PRKN: variants seen among roughly 807,000 people sequenced by gnomAD.
PRKN encodes the protein parkin RBR E3 ubiquitin protein ligase.
PRKN carries 56 observed loss-of-function variants against 59.5 expected under a neutral mutation model. The observed-to-expected ratio is 0.94, with a 90% CI of 0.76 to 1.18. The LOEUF is 1.18. PRKN is among the 50% of genes most tolerant of loss of function. The probability of loss-of-function intolerance (pLI) is 0.00; values close to 1 mark genes in which losing one functional copy is unlikely to be tolerated. For synonymous variants in PRKN, 250 were observed against 222.1 expected, an observed-to-expected ratio of 1.13 and a Z score of -1.12; for missense variants, 657 against 596.4, an observed-to-expected ratio of 1.10 and a Z score of -1.06.
chr6:161,991,842 C>CA (rs772212880), intron 5 of PRKN, among the ~76,000 whole-genome samples: 20 of 151,732 alleles, frequency 1.3e-4, no homozygotes, highest in Non-Finnish European at 2.2e-4. Flanking sequence ...AACTCCGTCT[C>CA]AAAAAACAAA....
chr6:161,763,633 T>C (rs993128414), intron 7 of PRKN, among the ~76,000 whole-genome samples: 2 of 152,084 alleles, frequency 1.3e-5, no homozygotes, highest in African/African-American at 4.8e-5. Flanking sequence ...CTGAGGCACA[T>C]TCAGCAAGGG....
intron 5 of PRKN, among the ~76,000 whole-genome samples, chr6:162,021,816 T>C (rs1436770715): frequency 1.3e-5 from 2 of 152,130 alleles, no homozygotes; most frequent in South Asian, 2.1e-4. Flanking sequence ...TAGTGCCCAA[T>C]AGGTAGTTTT....
At chr6:161,586,751 C>T (rs1781536586) in intron 7 of PRKN, among the ~76,000 whole-genome samples, 1 of 152,172 alleles carries the variant, frequency 6.6e-6, no homozygotes, top group African/African-American at 2.4e-5. Context: ...AGAAATATAA[C>T]TCCCCAATTT....
intron 9 of PRKN, among the ~76,000 whole-genome samples, chr6:161,508,664 C>T (rs1467578917): frequency 6.6e-6 from 1 of 152,148 alleles, no homozygotes; most frequent in African/African-American, 2.4e-5. Flanking sequence ...TTCCTCAAGC[C>T]GATCCTCACA....
chr6:162,263,061 T>A (rs1779964471), intron 2 of PRKN, among the ~76,000 whole-genome samples: 2 of 152,136 alleles, frequency 1.3e-5, no homozygotes, highest in South Asian at 2.1e-4. Context: ...ACTGGATCTA[T>A]AAGCACAGTG....
intron 2 of PRKN, among the ~76,000 whole-genome samples, chr6:162,316,801 T>A (rs149619502): frequency 3.3e-5 from 5 of 152,218 alleles, no homozygotes; most frequent in African/African-American, 1.2e-4. Context: ...TTTAAAAGGA[T>A]CTCAGTATAG....
intron 7 of PRKN, chr6:161,716,092 C>A (rs1349188465): frequency 1.5e-6 from 2 of 1,345,580 alleles, no homozygotes; most frequent in Non-Finnish European, 2.0e-6. Flanking sequence ...TCTCCTGAAT[C>A]CCCCCAGAGC....
At chr6:161,743,389 T>A (rs534844922) in intron 7 of PRKN, among the ~76,000 whole-genome samples, 4 of 145,570 alleles carry the variant, frequency 2.7e-5, no homozygotes, top group African/African-American at 5.2e-5. Flanking sequence ...CCAGCTTTTT[T>A]ATTTATTTAT....
chr6:162,508,086 G>C (rs953697544), intron 1 of PRKN, among the ~76,000 whole-genome samples: 20 of 152,298 alleles, frequency 1.3e-4, no homozygotes, highest in African/African-American at 4.8e-4. Context: ...GTTCCACATG[G>C]CTGGGAAAGC....
chr6:162,206,041 G>C (rs1002758122), intron 3 of PRKN, among the ~76,000 whole-genome samples: 1 of 152,010 alleles, frequency 6.6e-6, no homozygotes, highest in African/African-American at 2.4e-5. Flanking sequence ...AGAAGGAGAA[G>C]GAAGAAGGTT....
chr6:162,677,231 C>T (rs1306820324), intron 1 of PRKN, among the ~76,000 whole-genome samples: 1 of 151,546 alleles, frequency 6.6e-6, no homozygotes, highest in African/African-American at 2.4e-5. Flanking sequence ...AGCAGCATCA[C>T]CAAAAGAAAG....
chr6:162,136,503 T>C (rs555042819), intron 4 of PRKN, among the ~76,000 whole-genome samples: 14 of 152,352 alleles, frequency 9.2e-5, no homozygotes, highest in African/African-American at 2.9e-4. Context: ...CCATCAGTTA[T>C]GGGTTTAAAT....
chr6:162,116,696 C>A (rs1428129944), intron 4 of PRKN, among the ~76,000 whole-genome samples: 1 of 152,078 alleles, frequency 6.6e-6, no homozygotes, highest in Non-Finnish European at 1.5e-5. Context: ...TGCTCACAGT[C>A]TAGACAGGCA....
At chr6:161,626,824 A>G (rs1783108038) in intron 7 of PRKN, among the ~76,000 whole-genome samples, 1 of 152,224 alleles carries the variant, frequency 6.6e-6, no homozygotes, top group Non-Finnish European at 1.5e-5. Context: ...AAATTTAATG[A>G]CAAAGGCTTT....
intron 2 of PRKN, among the ~76,000 whole-genome samples, chr6:162,300,145 C>T (rs1381623773): frequency 1.3e-5 from 2 of 152,106 alleles, no homozygotes; most frequent in South Asian, 2.1e-4. Flanking sequence ...CAGTGCTATA[C>T]ATACACAATT....
rs181448429 is a variant in PRKN, at chr6:162,309,224, G to C, written c.172-46459C>G. On this transcript the variant is annotated intron_variant, in intron 2 of 11. Transcript: ENST00000366898. ...CACCCAGCCTGGAGTGCAGTGGCAT[G>C]ATCTCAGCTGGCTCACTGCAACCTA... Among the ~76,000 whole-genome samples, 8 of 152,240 alleles carry C rather than the reference G, an allele frequency of 5.3e-5. 1 individual carries two copies. In the East Asian group the frequency reaches 1.4e-3, roughly 26 times the overall value.
intron 6 of PRKN, among the ~76,000 whole-genome samples, chr6:161,807,710 C>T (rs1437996534): frequency 3.3e-5 from 5 of 152,210 alleles, no homozygotes; most frequent in African/African-American, 1.2e-4. Context: ...ATCACACTGC[C>T]TCTGTACGTC....
chr6:162,568,963 C>G, intron 1 of PRKN: 1 of 668,432 alleles, frequency 1.5e-6, no homozygotes, highest in Non-Finnish European at 2.7e-6. Context: ...GAAGGGCTGG[C>G]TGACGAGATC....
chr6:161,663,239 A>G (rs9364606), intron 7 of PRKN, among the ~76,000 whole-genome samples: 59,778 of 152,068 alleles, frequency 0.39, 13,205 homozygotes, highest in Non-Finnish European at 0.49. Flanking sequence ...GCATGAGAAT[A>G]GACTAATACA....
Sources: allele counts gnomAD v4.1 joint callset (sites outside exome capture counted in the v4.1 genomes callset), GRCh38; gene constraint gnomAD v4.1.1; transcripts MANE v1.5; gene names NCBI Gene and HGNC (gene_info 2026-07-23, HGNC 2026-07-21).